The following P2RY6 variants were observed in gnomAD, a reference collection of about 807,000 sequenced individuals.
P2RY6 encodes the protein P2Y purinoceptor 6.
A neutral mutation model predicts 16.3 loss-of-function variants in P2RY6; 19 were observed. The observed-to-expected ratio is 1.16, with a 90% CI of 0.81 to 1.71. The LOEUF (loss-of-function observed/expected upper bound fraction) is 1.71, where lower values mean the gene tolerates loss of function less well. Ranked by LOEUF, P2RY6 falls within the 40% of genes most tolerant of loss-of-function variation. The pLI is 0.00. For synonymous variants in P2RY6, 184 were observed against 201.5 expected (o/e 0.91, Z 0.74); for missense variants, 389 against 455.5 (o/e 0.85, Z 1.33).
At chr11:73,294,656 A>G (rs1002939888) in intron 1 of P2RY6, among the ~76,000 whole-genome samples, 3 of 152,246 alleles carry the variant, frequency 2.0e-5, no homozygotes, top group African/African-American at 7.2e-5. Context: ...ATCCAACATT[A>G]TCATTTTGCC....
chr11:73,296,894 C>G lies in P2RY6; in HGVS notation c.376C>G (p.Leu126Val), dbSNP rs988241712. The G allele has an allele frequency of 6.2e-7, 1 of 1,610,254 alleles. No individual in the cohort carries two copies. Among genetic ancestry groups the G allele is most frequent in the Non-Finnish European group, 8.5e-7 (1 of 1,180,028 alleles). ...CACCTGCATCAGCTTCCAGCGCTAC[C>G]TGGGCATCTGCCACCCGCTGGCCCC... ...FLTCISFQRY[L>V]GICHPLAPWH... The change falls in exon 3 of 3, where the codon CTG becomes GTG. Residue 126 changes from leucine to valine, a missense_variant. Leu to Val is a conservative substitution (Grantham distance 32). Coordinates refer to ENST00000540124, the MANE Select transcript of P2RY6 (RefSeq NM_001277204.2).
chr11:73,273,181 A>C (rs943667517), intron 1 of P2RY6, among the ~76,000 whole-genome samples: 2 of 151,824 alleles, frequency 1.3e-5, no homozygotes, highest in Non-Finnish European at 2.9e-5. Context: ...AAACTTTTCC[A>C]GAGTTTCTAT....
upstream of P2RY6, among the ~76,000 whole-genome samples, chr11:73,268,842 C>T (rs76819169): frequency 6.2e-4 from 94 of 152,328 alleles, no homozygotes; most frequent in African/African-American, 2.2e-3. Context: ...GGCCAATGGG[C>T]GGTGGCCAGG....
At chr11:73,270,733 C>A (rs1863266898), upstream of P2RY6, among the ~76,000 whole-genome samples, 1 of 152,106 alleles carries the variant, frequency 6.6e-6, no homozygotes, top group African/African-American at 2.4e-5. Context: ...GCTGCCTGTG[C>A]CCAGGGAGTC....
upstream of P2RY6, among the ~76,000 whole-genome samples, chr11:73,268,476 T>C (rs1450911722): frequency 1.3e-5 from 2 of 152,050 alleles, no homozygotes; most frequent in Non-Finnish European, 2.9e-5. Flanking sequence ...AAAATACAAA[T>C]TTAGCCAGGC....
chr11:73,284,374 C>G (rs961925180), intron 1 of P2RY6, among the ~76,000 whole-genome samples: 2 of 152,070 alleles, frequency 1.3e-5, no homozygotes, highest in Non-Finnish European at 2.9e-5. Flanking sequence ...GGAGAGAAGC[C>G]AGGAAGATCC....
At chr11:73,290,349 AAGAAAG>A (rs1304592187) in intron 1 of P2RY6, among the ~76,000 whole-genome samples, 1 of 142,100 alleles carries the variant, frequency 7.0e-6, no homozygotes, top group Non-Finnish European at 1.6e-5. Flanking sequence ...GAAAGAAAGA[AAGAAAG>A]AAAGAAAGAA....
intron 2 of P2RY6, among the ~76,000 whole-genome samples, 158 bp downstream of exon 2, chr11:73,295,973 C>T (rs1182207690): frequency 1.3e-5 from 2 of 152,062 alleles, no homozygotes. Context: ...CCAGAGTCTC[C>T]ACACCCCAGT....
chr11:73,275,574 A>G (rs1391339344), intron 1 of P2RY6, among the ~76,000 whole-genome samples: 1 of 152,212 alleles, frequency 6.6e-6, no homozygotes, highest in Non-Finnish European at 1.5e-5. Flanking sequence ...ATTCACTAGT[A>G]CTTGACAGCA....
intron 1 of P2RY6, among the ~76,000 whole-genome samples, chr11:73,279,650 G>A (rs184785416): frequency 4.1e-4 from 63 of 152,282 alleles, no homozygotes; most frequent in Admixed American, 3.4e-3. Flanking sequence ...GTCTTCCATG[G>A]TCTGCACAGC....
At chr11:73,281,866 G>A (rs1863778132) in intron 1 of P2RY6, among the ~76,000 whole-genome samples, 2 of 152,210 alleles carry the variant, frequency 1.3e-5, no homozygotes, top group South Asian at 4.1e-4. Flanking sequence ...TCTGATGGAG[G>A]AGGGCCTGCA....
At chr11:73,294,834 G>A (rs1864409131) in intron 1 of P2RY6, among the ~76,000 whole-genome samples, 1 of 152,070 alleles carries the variant, frequency 6.6e-6, no homozygotes, top group Non-Finnish European at 1.5e-5. Context: ...AATCTTATAA[G>A]GCAGGTACTA....
chr11:73,271,808 A>T (rs576099134), upstream of P2RY6: 5 of 152,112 alleles, frequency 3.3e-5, no homozygotes, highest in Non-Finnish European at 7.3e-5. Context: ...CTCCTCCCTC[A>T]GTGCCATCCT....
chr11:73,269,614 C>G (rs1022288708), upstream of P2RY6, among the ~76,000 whole-genome samples: 2 of 152,190 alleles, frequency 1.3e-5, no homozygotes, highest in Non-Finnish European at 2.9e-5. Context: ...TCCAGAGCCA[C>G]TCACAGAAAC....
chr11:73,297,073 G>A lies in P2RY6; in HGVS notation c.555G>A (p.Leu185=). Residue 185 remains leucine, a synonymous_variant, in exon 3 of 3, where the codon CTG becomes CTA. Coordinates refer to ENST00000540124, the MANE Select transcript of P2RY6 (RefSeq NM_001277204.2). ...GCTATGACCTCAGCCCGCCTGCCCT[G>A]GCCACCCACTATATGCCCTATGGCA... ...TVCYDLSPPA[L]ATHYMPYGMA... The A allele has an allele frequency of 6.2e-7, 1 of 1,602,098 alleles. No homozygotes were observed. Among genetic ancestry groups the A allele is most frequent in the Non-Finnish European group, 8.5e-7 (1 of 1,179,948 alleles).
upstream of P2RY6, chr11:73,272,300 T>C (rs1863346032): frequency 1.0e-6 from 1 of 980,930 alleles, no homozygotes; most frequent in South Asian, 4.7e-5. Flanking sequence ...TTACTTCCTC[T>C]CCCCAGGTCT....
At chr11:73,264,902 G>A (rs1009404496) in intron 1 of P2RY6, among the ~76,000 whole-genome samples, 3 of 152,340 alleles carry the variant, frequency 2.0e-5, no homozygotes, top group South Asian at 2.1e-4. Flanking sequence ...GGTTGTATGC[G>A]GTTAGTGTGC....
chr11:73,278,071 G>A lies in P2RY6; in HGVS notation c.-121+5605G>A, dbSNP rs192916407. On this transcript the variant is annotated intron_variant, in intron 1 of 2. Transcript: ENST00000540124. ...TGTATGATTTTAATCCTTTTTGATT[G>A]TACAATTCACTGGTACTAAGTATAC... 1.4e-4 allele frequency among the ~76,000 whole-genome samples: 21 copies of A among 152,202 alleles called. 1 individual carries two copies. The highest frequency in any genetic ancestry group is 1.4e-3 in the Admixed American group (21 of 15,298).
chr11:73,285,265 G>C (rs914202069), intron 1 of P2RY6, among the ~76,000 whole-genome samples: 1 of 152,206 alleles, frequency 6.6e-6, no homozygotes, highest in Non-Finnish European at 1.5e-5. Flanking sequence ...GTAGAGACAG[G>C]CTTTCTCTAT....
Sources: gnomAD v4.1 joint callset for allele counts (sites outside exome capture counted in the v4.1 genomes callset) on GRCh38, gnomAD v4.1.1 for gene constraint, MANE v1.5 for transcripts, NCBI Gene and HGNC (gene_info 2026-07-23, HGNC 2026-07-21) for gene names.